The following CDH12 variants were observed in gnomAD, a reference collection of about 807,000 sequenced individuals.
The protein encoded by CDH12 is cadherin 12.
Under a neutral mutation model 74.1 loss-of-function variants are expected in CDH12, and 41 were observed. The ratio of observed to expected loss-of-function variants is 0.55; its 90% CI spans 0.43 to 0.72. CDH12 has a LOEUF of 0.72. CDH12 is among the 30% of genes least tolerant of loss of function. The probability of loss-of-function intolerance (pLI) is 0.00; values close to 1 mark genes in which losing one functional copy is unlikely to be tolerated. For synonymous variants in CDH12, 399 were observed against 355.0 expected (o/e 1.12, Z -1.39); for missense variants, 945 against 977.2 (o/e 0.97, Z 0.44).
At chr5:22,804,387 A>T (rs1232232133) in intron 1 of CDH12, among the ~76,000 whole-genome samples, 1 of 152,024 alleles carries the variant, frequency 6.6e-6, no homozygotes, top group Non-Finnish European at 1.5e-5. Flanking sequence ...TCTGCCTGTG[A>T]GAGAGAGAAG....
intron 4 of CDH12, among the ~76,000 whole-genome samples, chr5:22,113,135 C>G (rs191662366): frequency 6.6e-6 from 1 of 152,260 alleles, no homozygotes; most frequent in African/African-American, 2.4e-5. Context: ...ATCTGACTTA[C>G]TTTACAATCT....
chr5:22,297,964 A>T (rs1326912675), intron 3 of CDH12, among the ~76,000 whole-genome samples: 1 of 151,798 alleles, frequency 6.6e-6, no homozygotes, highest in Non-Finnish European at 1.5e-5. Flanking sequence ...ACTTAATTTA[A>T]TTTTTATATT....
At chr5:22,808,486 C>T (rs1488705842) in intron 1 of CDH12, among the ~76,000 whole-genome samples, 1 of 151,940 alleles carries the variant, frequency 6.6e-6, no homozygotes, top group African/African-American at 2.4e-5. Flanking sequence ...AACCAAGTGG[C>T]CTGTTTTAGT....
At chr5:22,297,102 A>G (rs1737661613) in intron 3 of CDH12, among the ~76,000 whole-genome samples, 1 of 151,040 alleles carries the variant, frequency 6.6e-6, no homozygotes, top group African/African-American at 2.4e-5. Flanking sequence ...GCTCACTGCA[A>G]TCTCCACTTC....
chr5:22,608,384 C>T (rs1028262839), intron 1 of CDH12, among the ~76,000 whole-genome samples: 1 of 152,180 alleles, frequency 6.6e-6, no homozygotes, highest in South Asian at 2.1e-4. Flanking sequence ...TGATCGATTT[C>T]TCCCATTTGG....
At chr5:22,691,558 C>A (rs906326002) in intron 1 of CDH12, among the ~76,000 whole-genome samples, 3 of 152,166 alleles carry the variant, frequency 2.0e-5, no homozygotes, top group Non-Finnish European at 4.4e-5. Context: ...TAATGATTTC[C>A]ATTTCACAAA....
intron 1 of CDH12, among the ~76,000 whole-genome samples, chr5:22,639,594 G>A (rs568117386): frequency 7.9e-5 from 12 of 151,970 alleles, no homozygotes; most frequent in Non-Finnish European, 1.2e-4. Context: ...GCCATCAAGA[G>A]TTCTGAACGT....
intron 6 of CDH12, among the ~76,000 whole-genome samples, chr5:21,952,226 A>C (rs1419285483): frequency 6.6e-6 from 1 of 152,120 alleles, no homozygotes; most frequent in Non-Finnish European, 1.5e-5. Flanking sequence ...TGGGACCTGA[A>C]GTAGGGAGGT....
At chr5:21,987,244 A>G (rs1210830636) in intron 5 of CDH12, among the ~76,000 whole-genome samples, 1 of 152,182 alleles carries the variant, frequency 6.6e-6, no homozygotes, top group Admixed American at 6.5e-5. Flanking sequence ...GATTTCAAAA[A>G]GAAAAGCTAA....
At chr5:21,880,675 C>CTTTG (rs1392661416) in intron 6 of CDH12, among the ~76,000 whole-genome samples, 2 of 115,886 alleles carry the variant, frequency 1.7e-5, no homozygotes, top group South Asian at 5.7e-4. Flanking sequence ...TTCTTTCTTT[C>CTTTG]TTTCTTTCTT....
rs1009176156 is a variant in CDH12 at position 21,960,374 on chromosome 5, A to C, written c.526+14717T>G. Among the ~76,000 whole-genome samples, 268 of 152,238 alleles carry C rather than the reference A, an allele frequency of 1.8e-3. 3 individuals are homozygous for C. The highest frequency in any genetic ancestry group is 5.9e-3 in the African/African-American group (245 of 41,558). The stretch of plus-strand genomic sequence containing the variant: ...TGTTGCAAGGAACTCTACTGAATAC[A>C]AGGAACTTTACTAATCTCTAATGCT... On this transcript the variant is annotated intron_variant, in intron 6 of 14. Transcript: ENST00000382254.
rs146798441 is a variant in CDH12, at chr5:22,578,256, G to A, written c.-522-72892C>T. 9.9e-4 allele frequency among the ~76,000 whole-genome samples: 151 copies of A among 152,060 alleles called. 1 individual carries two copies. In the Middle Eastern group the frequency reaches 0.01, roughly 10 times the overall value. ...TCTAAGTATCAATGTTTTCCTTCAA[G>A]ACTTTTTATGCATCTTTATCTTAAA... On this transcript the variant is annotated intron_variant, in intron 1 of 14. Coordinates refer to ENST00000382254, the MANE Select transcript of CDH12 (RefSeq NM_004061.5).
intron 3 of CDH12, among the ~76,000 whole-genome samples, chr5:22,226,002 T>C (rs202085513): frequency 4.9e-5 from 3 of 60,772 alleles, no homozygotes; most frequent in Admixed American, 4.8e-4. Context: ...ACATCAGACA[T>C]AGAATATTCA....
chr5:21,930,145 T>C (rs1754767437), intron 6 of CDH12, among the ~76,000 whole-genome samples: 1 of 152,146 alleles, frequency 6.6e-6, no homozygotes, highest in Non-Finnish European at 1.5e-5. Flanking sequence ...GAGTGAAGGA[T>C]GGACAAAGAG....
intron 1 of CDH12, among the ~76,000 whole-genome samples, chr5:22,621,725 C>A (rs1265518831): frequency 6.6e-6 from 1 of 151,826 alleles, no homozygotes; most frequent in Non-Finnish European, 1.5e-5. Context: ...AAACTTATAA[C>A]ACTAAATTTG....
intron 1 of CDH12, among the ~76,000 whole-genome samples, chr5:22,824,042 GATA>G (rs763981781): frequency 5.3e-5 from 8 of 152,186 alleles, no homozygotes; most frequent in Non-Finnish European, 1.0e-4. Flanking sequence ...ATGATAAAGA[GATA>G]ATAACTCCAA....
At chr5:21,776,025 G>C (rs1579678964) in intron 11 of CDH12, among the ~76,000 whole-genome samples, 1 of 152,146 alleles carries the variant, frequency 6.6e-6, no homozygotes, top group South Asian at 2.1e-4. Context: ...TTCCAATAAA[G>C]AGAATGTGGG....
intron 6 of CDH12, among the ~76,000 whole-genome samples, chr5:21,921,480 G>T (rs758926451): frequency 7.2e-5 from 11 of 151,862 alleles, no homozygotes; most frequent in Non-Finnish European, 1.6e-4. Flanking sequence ...GCTACTGATG[G>T]TTGCTCTATT....
intron 5 of CDH12, among the ~76,000 whole-genome samples, chr5:22,067,163 A>G (rs1741619220): frequency 6.6e-6 from 1 of 152,176 alleles, no homozygotes; most frequent in Non-Finnish European, 1.5e-5. Context: ...ACACAGGTCC[A>G]TTACATGGAA....
Sources: allele counts gnomAD v4.1 joint callset (sites outside exome capture counted in the v4.1 genomes callset), GRCh38; gene constraint gnomAD v4.1.1; transcripts MANE v1.5; gene names NCBI Gene and HGNC (gene_info 2026-07-23, HGNC 2026-07-21).